CRHR2: variants seen among roughly 807,000 people sequenced by gnomAD.
CRHR2 encodes the protein corticotropin releasing hormone receptor 2.
In CRHR2, 53 loss-of-function variants were observed where a neutral mutation model predicts 57.9. The observed-to-expected ratio is 0.92, with a 90% confidence interval of 0.73 to 1.15. CRHR2 has a LOEUF of 1.15. CRHR2 is among the 50% of genes most tolerant of loss of function. The pLI, the probability that CRHR2 is intolerant of heterozygous loss-of-function variation, is 0.00. For missense variants in CRHR2, 532 were observed against 542.6 expected (o/e 0.98, Z 0.19); for synonymous variants, 213 against 220.9 (o/e 0.96, Z 0.32).
intron 2 of CRHR2, among the ~76,000 whole-genome samples, chr7:30,669,568 C>T (rs1784293842): frequency 6.6e-6 from 1 of 152,092 alleles, no homozygotes; most frequent in Admixed American, 6.5e-5. Context: ...TGGATTCTGT[C>T]TCCTCCTTTT....
Position 30,662,214 on chromosome 7 carries a change from T to C in CRHR2, c.700A>G (p.Ile234Val), listed in dbSNP as rs1210871433. 10 of 1,614,128 alleles carry C rather than the reference T, an allele frequency of 6.2e-6. No individual in the cohort carries two copies. Among genetic ancestry groups the C allele is most frequent in the Non-Finnish European group, 8.5e-6 (10 of 1,180,028 alleles). ...CAGGCGACGATGATGGGGAAGGGGA[T>C]GCCTGAAAGAAGGAAAGACTTGGGC... ...KCLFLFIGWC[I>V]PFPIIVAWAI... Residue 234 changes from isoleucine (I) to valine (V), a missense_variant and splice_region_variant, in exon 7 of 12, where the codon ATC becomes GTC. By Grantham distance (29) the Ile-to-Val change is conservative. Transcript: ENST00000471646.
At chr7:30,684,999 G>C (rs139895494), upstream of CRHR2, among the ~76,000 whole-genome samples, 152 of 152,346 alleles carry the variant, frequency 1.0e-3, no homozygotes, top group African/African-American at 3.6e-3. Flanking sequence ...CCCAGCTGGA[G>C]GCCAGGAATT....
In CRHR2 at chr7:30,653,940, C is replaced by A. The variant is rs1203124689; in HGVS notation, c.1096-340G>T. Among the ~76,000 whole-genome samples, 1 of 152,066 alleles carries A rather than the reference C, an allele frequency of 6.6e-6. No homozygotes were observed. On this transcript the variant is annotated intron_variant, in intron 11 of 11. Coordinates refer to ENST00000471646, the MANE Select transcript of CRHR2 (RefSeq NM_001883.5). The surrounding 1 kb of genome is among the most constrained non-coding windows in gnomAD (Gnocchi z 5.0). ...AGAGAGCGCAGCTTGGAGACTTGGC[C>A]CCCTCAGCCTTCTTGGGCCCCTGCT...
intron 8 of CRHR2, among the ~76,000 whole-genome samples, chr7:30,659,592 G>A (rs986339720): frequency 3.3e-5 from 5 of 152,136 alleles, no homozygotes; most frequent in South Asian, 4.1e-4. Flanking sequence ...AAGCCCTGAC[G>A]GTGGAATTTC....
intron 1 of CRHR2, among the ~76,000 whole-genome samples, chr7:30,699,266 C>T (rs1486300062): frequency 2.0e-5 from 3 of 152,194 alleles, no homozygotes; most frequent in Non-Finnish European, 4.4e-5. Flanking sequence ...CACCTTCCAT[C>T]GGTGGCCCCT....
upstream of CRHR2, chr7:30,682,487 G>A (rs1784756833): frequency 7.6e-7 from 1 of 1,319,444 alleles, no homozygotes; most frequent in Non-Finnish European, 9.6e-7. Context: ...GCCGCCGAGT[G>A]CACGGAGCTG....
chr7:30,693,596 G>A (rs1239884803), intron 1 of CRHR2, among the ~76,000 whole-genome samples: 1 of 152,214 alleles, frequency 6.6e-6, no homozygotes, highest in African/African-American at 2.4e-5. Context: ...TTTGCAAAAT[G>A]TTATAGCACA....
intron 2 of CRHR2, among the ~76,000 whole-genome samples, chr7:30,674,584 G>C (rs1204223550): frequency 6.6e-6 from 1 of 152,238 alleles, no homozygotes; most frequent in Non-Finnish European, 1.5e-5. Context: ...TCAGTTCCTA[G>C]TTCCTATGAA....
Position 30,665,455 on chromosome 7 carries a change from G to T in CRHR2, c.425+75C>A. 1 of 1,272,406 alleles carries T rather than the reference G, an allele frequency of 7.9e-7. No homozygotes were observed. The highest frequency in any genetic ancestry group is 1.1e-6 in the Non-Finnish European group (1 of 900,384). 78.8% of individuals were successfully genotyped at this position (1,272,406 alleles called of 1,614,324 possible). On this transcript the variant is annotated intron_variant, in intron 4 of 11. Transcript: ENST00000471646. The surrounding 1 kb of genome is among the most constrained non-coding windows in gnomAD (Gnocchi z 4.5). ...CTGCTGGGCCCCAGAATGGAGGTGAGAATGTCTGGGAGAGGTGAAGGGGGT... is the reference window on the plus strand; with the variant it reads ...CTGCTGGGCCCCAGAATGGAGGTGATAATGTCTGGGAGAGGTGAAGGGGGT...
At chr7:30,693,104 C>G (rs1784992010) in intron 1 of CRHR2, among the ~76,000 whole-genome samples, 1 of 152,190 alleles carries the variant, frequency 6.6e-6, no homozygotes, top group Non-Finnish European at 1.5e-5. Flanking sequence ...GGAGGCAGAC[C>G]CAGCCAGTGG....
intron 2 of CRHR2, among the ~76,000 whole-genome samples, chr7:30,670,374 TG>T (rs1445383352): frequency 2.0e-5 from 3 of 152,240 alleles, no homozygotes. Flanking sequence ...TTGAGCTCCT[TG>T]GGGATAGACA....
chr7:30,674,746 C>T (rs1176051568), intron 2 of CRHR2, among the ~76,000 whole-genome samples: 1 of 152,130 alleles, frequency 6.6e-6, no homozygotes, highest in Non-Finnish European at 1.5e-5. Context: ...CCAGAAGCCA[C>T]AGAGTTCTGG....
intron 2 of CRHR2, among the ~76,000 whole-genome samples, chr7:30,681,205 C>A (rs1453381584): frequency 1.3e-5 from 2 of 152,106 alleles, no homozygotes; most frequent in Non-Finnish European, 2.9e-5. Flanking sequence ...CCATGATTTG[C>A]CAGGAGGAAG....
chr7:30,680,563 C>T (rs1157063870), intron 2 of CRHR2, among the ~76,000 whole-genome samples: 2 of 152,184 alleles, frequency 1.3e-5, no homozygotes, highest in Non-Finnish European at 2.9e-5. Context: ...CCTAAAAATA[C>T]AGTTTTATAA....
In CRHR2 at chr7:30,653,708, A is replaced by G; in HGVS notation, c.1096-108T>C. On this transcript the variant is annotated intron_variant, in intron 11 of 11. Transcript: ENST00000471646. The surrounding 1 kb of genome is among the most constrained non-coding windows in gnomAD (Gnocchi z 5.0). ...TCATGGGTCGACTGCCACCCTCATG[A>G]CAAGGAACTGTCTGCTTCCAAAACA... The G allele has an allele frequency of 7.4e-7, 1 of 1,349,484 alleles. No individual in the cohort carries two copies. Among genetic ancestry groups the G allele is most frequent in the South Asian group, 1.5e-5 (1 of 67,506 alleles). The allele number at this position is 1,349,484 out of a possible 1,614,324, so 83.6% of individuals were successfully genotyped here. A position where few individuals can be genotyped will look rare whatever the true frequency, so the allele number is the denominator to read the frequency against.
chr7:30,655,190 G>C, intron 10 of CRHR2, 110 bp from the exon 11 acceptor site: 1 of 1,260,024 alleles, frequency 7.9e-7, no homozygotes. Flanking sequence ...TTTGACCCAG[G>C]AACCCCTGGA....
At chr7:30,660,706 C>G (rs1783967248) in intron 7 of CRHR2, 61 bp from the exon 8 acceptor site, 1 of 1,507,540 alleles carries the variant, frequency 6.6e-7, no homozygotes. Flanking sequence ...CCCCCACAGA[C>G]TTGGGCCCAG....
At chr7:30,689,695 A>C (rs255101) in intron 1 of CRHR2, among the ~76,000 whole-genome samples, 130,316 of 152,208 alleles carry the variant, frequency 0.86, 56,110 homozygotes, top group African/African-American at 0.93. Context: ...GGCTGGGGGA[A>C]CTGATGGGTG....
chr7:30,662,125 A>G, intron 7 of CRHR2, 31 bp downstream of exon 7: 1 of 1,612,312 alleles, frequency 6.2e-7, no homozygotes, highest in Non-Finnish European at 8.5e-7. Flanking sequence ...TCCCTTCCCC[A>G]TGACCCCCCA....
Sources: allele counts gnomAD v4.1 joint callset (sites outside exome capture counted in the v4.1 genomes callset), GRCh38; gene constraint gnomAD v4.1.1; non-coding constraint Gnocchi (gnomAD v3.1); transcripts MANE v1.5; gene names NCBI Gene and HGNC (gene_info 2026-07-23, HGNC 2026-07-21).